CCDC30: variants seen among roughly 807,000 people sequenced by gnomAD.
CCDC30 encodes coiled-coil domain-containing protein 30.
CCDC30 carries 70 observed loss-of-function variants against 100.2 expected under a neutral mutation model. The ratio of observed to expected loss-of-function variants is 0.70; its 90% CI spans 0.58 to 0.85. CCDC30 has a LOEUF of 0.85. Among genes scored for constraint, CCDC30 ranks in the 40% least tolerant of loss-of-function variants. The pLI is 0.00. For missense variants in CCDC30, 652 were observed against 771.2 expected, an observed-to-expected ratio of 0.85 and a Z score of 1.83; for synonymous variants, 233 against 269.5, an observed-to-expected ratio of 0.86 and a Z score of 1.33.
chr1:42,549,538 TG>T (rs1645207709), intron 6 of CCDC30, among the ~76,000 whole-genome samples: 1 of 152,166 alleles, frequency 6.6e-6, no homozygotes, highest in African/African-American at 2.4e-5. Context: ...ATGAGCTTTA[TG>T]GTGCTGAAAA....
intron 9 of CCDC30, among the ~76,000 whole-genome samples, chr1:42,582,723 A>G (rs1380421364): frequency 6.6e-6 from 1 of 152,216 alleles, no homozygotes; most frequent in Non-Finnish European, 1.5e-5. Context: ...TGACTGGTCC[A>G]CTTTTGCTGT....
the CCDC30 span, chr1:42,456,601 G>A: frequency 2.7e-3 from 4,033 of 1,513,260 alleles, 94 homozygotes; most frequent in African/African-American, 0.052. Flanking sequence ...AGTTCCCCCA[G>A]CCTCCCGGTG....
At chr1:42,555,980 A>G (rs1221786046) in intron 6 of CCDC30, among the ~76,000 whole-genome samples, 176 bp from the exon 10 acceptor site, 2 of 152,164 alleles carry the variant, frequency 1.3e-5, no homozygotes, top group East Asian at 1.9e-4. Context: ...ATGAACCACC[A>G]TGCCCGGCCG....
intron 13 of CCDC30, among the ~76,000 whole-genome samples, chr1:42,644,103 A>C (rs1280190464): frequency 6.6e-6 from 1 of 152,212 alleles, no homozygotes; most frequent in African/African-American, 2.4e-5. Flanking sequence ...AAAGAACAGA[A>C]TAGGAGACAT....
At chr1:42,480,305 A>T (rs929261455) in intron 1 of CCDC30, among the ~76,000 whole-genome samples, 156 bp from the exon 2 acceptor site, 5 of 152,228 alleles carry the variant, frequency 3.3e-5, no homozygotes, top group East Asian at 1.9e-4. Flanking sequence ...CTATCTTTTT[A>T]AAAAAATTAA....
chr1:42,512,223 C>T (rs371115553), intron 6 of CCDC30, among the ~76,000 whole-genome samples: 7 of 152,264 alleles, frequency 4.6e-5, no homozygotes, highest in East Asian at 1.9e-4. Context: ...TCTGGTAAAC[C>T]GACAACCTTC....
intron 9 of CCDC30, among the ~76,000 whole-genome samples, chr1:42,584,321 T>A (rs1404354056): frequency 6.6e-6 from 1 of 152,236 alleles, no homozygotes; most frequent in Non-Finnish European, 1.5e-5. Context: ...CTGGCACCAG[T>A]GGCTCACACC....
rs1331360941 is a variant in CCDC30 at position 42,542,069 on chromosome 1, A to C, written c.457-24227A>C. Among the ~76,000 whole-genome samples the C allele has an allele frequency of 2.6e-5, 4 of 152,218 alleles. No homozygotes were observed. In the South Asian group the frequency reaches 8.3e-4, roughly 32 times the overall value. The stretch of plus-strand genomic sequence containing the variant: ...AAGTGGAACCATAAGCTTAATTCTT[A>C]TGCTACTTAAACATGGCTGATTATT... On this transcript the variant is annotated intron_variant, in intron 6 of 16. Transcript: ENST00000668663.
At chr1:42,603,874 GAAAAA>G (rs1262351587) in intron 10 of CCDC30, among the ~76,000 whole-genome samples, 1 of 152,172 alleles carries the variant, frequency 6.6e-6, no homozygotes, top group Non-Finnish European at 1.5e-5. Flanking sequence ...TTGGAAGCAA[GAAAAA>G]TGTCTTTCTT....
intron 4 of CCDC30, among the ~76,000 whole-genome samples, chr1:42,495,496 T>TA (rs1032475046): frequency 6.8e-6 from 1 of 146,400 alleles, no homozygotes; most frequent in South Asian, 2.2e-4. Context: ...CCCTAAAACT[T>TA]AAAGTATGAT....
intron 11 of CCDC30, among the ~76,000 whole-genome samples, chr1:42,632,474 G>C (rs1047133801): frequency 6.6e-5 from 10 of 151,446 alleles, no homozygotes; most frequent in African/African-American, 2.4e-4. Flanking sequence ...CTTAAAATAA[G>C]TAAATAAGGC....
chr1:42,545,449 T>A (rs201769600), intron 6 of CCDC30: 1 of 1,591,998 alleles, frequency 6.3e-7, no homozygotes, highest in Admixed American at 1.9e-5. Context: ...ATTAAATCAT[T>A]TTACTCTAGG....
intron 15 of CCDC30, among the ~76,000 whole-genome samples, chr1:42,647,436 T>C (rs1275518226): frequency 6.6e-6 from 1 of 152,148 alleles, no homozygotes; most frequent in Non-Finnish European, 1.5e-5. Context: ...CCCAAATATA[T>C]AAGGCTAACA....
chr1:42,506,022 T>C (rs1223757762), intron 6 of CCDC30, among the ~76,000 whole-genome samples: 2 of 152,268 alleles, frequency 1.3e-5, no homozygotes, highest in East Asian at 3.8e-4. Context: ...TATATTGCCA[T>C]AAGTTAAGAA....
At chr1:42,581,984 T>A (rs1187178090) in intron 9 of CCDC30, among the ~76,000 whole-genome samples, 1 of 149,288 alleles carries the variant, frequency 6.7e-6, no homozygotes, top group Non-Finnish European at 1.5e-5. Flanking sequence ...CACTCCGGGA[T>A]GCCGAGGTAG....
chr1:42,469,979 G>A (rs1397815412), intron 1 of CCDC30, among the ~76,000 whole-genome samples: 3 of 152,192 alleles, frequency 2.0e-5, no homozygotes, highest in African/African-American at 7.2e-5. Flanking sequence ...GTTCAGATTT[G>A]CATGCCTGTT....
intron 10 of CCDC30, chr1:42,592,360 C>G (rs1021334060): frequency 2.0e-5 from 3 of 152,066 alleles, no homozygotes; most frequent in Non-Finnish European, 4.4e-5. Context: ...CATTAATGGC[C>G]TGGTGCTGTC....
intron 1 of CCDC30, among the ~76,000 whole-genome samples, chr1:42,478,973 T>C (rs1298746547): frequency 6.6e-6 from 1 of 152,192 alleles, no homozygotes; most frequent in Non-Finnish European, 1.5e-5. Flanking sequence ...CTAAAGTTGA[T>C]GTGGACATGC....
At chr1:42,608,243 T>A (rs1443147783) in intron 10 of CCDC30, among the ~76,000 whole-genome samples, 1 of 152,148 alleles carries the variant, frequency 6.6e-6, no homozygotes, top group African/African-American at 2.4e-5. Context: ...ATGGAAAGGA[T>A]TGTCAACTAT....
Sources: gnomAD v4.1 joint callset for allele counts (sites outside exome capture counted in the v4.1 genomes callset) on GRCh38, gnomAD v4.1.1 for gene constraint, MANE v1.5 for transcripts, NCBI Gene and HGNC (gene_info 2026-07-23, HGNC 2026-07-21) for gene names.